The following GRM1 variants were observed in gnomAD, a reference collection of about 807,000 sequenced individuals.
GRM1 encodes the protein glutamate metabotropic receptor 1.
In GRM1, 33 loss-of-function variants were observed where a neutral mutation model predicts 90.9. The ratio of observed to expected loss-of-function variants is 0.36; its 90% CI spans 0.28 to 0.49. The LOEUF (loss-of-function observed/expected upper bound fraction) is 0.49, where lower values mean the gene tolerates loss of function less well. GRM1 is among the 20% of genes least tolerant of loss of function. The pLI is 0.99. For missense variants in GRM1, 1,190 were observed against 1,534.3 expected (o/e 0.78, Z 3.75); for synonymous variants, 700 against 613.2 (o/e 1.14, Z -2.09).
At chr6:146,203,056 T>TGGTGCCGGGCGC (rs1372375113) in intron 2 of GRM1, among the ~76,000 whole-genome samples, 6 of 151,800 alleles carry the variant, frequency 4.0e-5, no homozygotes, top group Admixed American at 6.6e-5. Flanking sequence ...TAGCCGGGCG[T>TGGTGCCGGGCGC]GGTGCCGGGC....
intron 1 of GRM1, among the ~76,000 whole-genome samples, chr6:146,118,118 T>A (rs561313325): frequency 7.3e-5 from 11 of 150,138 alleles, no homozygotes; most frequent in East Asian, 5.8e-4. Flanking sequence ...TTATTTATTT[T>A]TTATTCTTTT....
intron 5 of GRM1, among the ~76,000 whole-genome samples, chr6:146,382,908 G>A (rs1157425931): frequency 1.3e-5 from 2 of 152,098 alleles, no homozygotes; most frequent in East Asian, 1.9e-4. Context: ...GATGATCTTG[G>A]CAGCTGTGTG....
chr6:146,211,709 C>T (rs1013918536), intron 2 of GRM1, among the ~76,000 whole-genome samples: 6 of 152,206 alleles, frequency 3.9e-5, no homozygotes, highest in African/African-American at 9.6e-5. Context: ...ATTGCTCAGA[C>T]AATAAACAAC....
intron 2 of GRM1, among the ~76,000 whole-genome samples, chr6:146,292,193 A>C (rs1783011671): frequency 6.6e-6 from 1 of 152,024 alleles, no homozygotes; most frequent in African/African-American, 2.4e-5. Context: ...AAACCATAAA[A>C]TTTTAAAAGT....
intron 1 of GRM1, among the ~76,000 whole-genome samples, chr6:146,053,795 G>T (rs368036770): frequency 6.6e-6 from 1 of 151,998 alleles, no homozygotes; most frequent in African/African-American, 2.4e-5. Flanking sequence ...AGGTAATTCT[G>T]CTGCACAGCC....
chr6:146,240,631 C>A (rs372876360), intron 2 of GRM1, among the ~76,000 whole-genome samples: 4 of 152,202 alleles, frequency 2.6e-5, no homozygotes, highest in African/African-American at 7.2e-5. Context: ...CAAAGCAATT[C>A]TAAGGGTCAA....
At chr6:146,297,411 C>T (rs1378399442) in intron 2 of GRM1, among the ~76,000 whole-genome samples, 1 of 152,126 alleles carries the variant, frequency 6.6e-6, no homozygotes, top group Non-Finnish European at 1.5e-5. Context: ...CCGCCTGCCT[C>T]GGTCTCCCAA....
intron 7 of GRM1, among the ~76,000 whole-genome samples, chr6:146,416,228 A>ATTATAT (rs140385544): frequency 0.013 from 1,954 of 152,212 alleles, 46 homozygotes; most frequent in African/African-American, 0.045. Context: ...TGCTGACATA[A>ATTATAT]TTATATCAAC....
chr6:146,197,347 CAG>C (rs1214151674), intron 2 of GRM1, among the ~76,000 whole-genome samples: 2 of 152,216 alleles, frequency 1.3e-5, no homozygotes, highest in Admixed American at 1.3e-4. Flanking sequence ...ATATACTTCT[CAG>C]AGTCTTTAAA....
intron 1 of GRM1, among the ~76,000 whole-genome samples, chr6:146,090,476 A>T (rs958866426): frequency 6.6e-6 from 1 of 152,150 alleles, no homozygotes; most frequent in African/African-American, 2.4e-5. Flanking sequence ...AAATCAGCTA[A>T]GCTTGAGCTT....
chr6:146,198,669 A>T (rs1779201533), intron 2 of GRM1, among the ~76,000 whole-genome samples: 1 of 152,186 alleles, frequency 6.6e-6, no homozygotes, highest in African/African-American at 2.4e-5. Context: ...TTAAACAGAG[A>T]GGCTATAATA....
intron 7 of GRM1, among the ~76,000 whole-genome samples, chr6:146,404,616 C>G (rs1777272903): frequency 6.6e-6 from 1 of 152,138 alleles, no homozygotes; most frequent in Non-Finnish European, 1.5e-5. Flanking sequence ...GAGAAAATAA[C>G]ATAAGTGAAG....
chr6:146,144,808 G>A (rs1451650265), intron 1 of GRM1, among the ~76,000 whole-genome samples: 1 of 152,124 alleles, frequency 6.6e-6, no homozygotes, highest in African/African-American at 2.4e-5. Context: ...AAGAAGATGG[G>A]GAAAATCTGA....
chr6:146,402,046 G>T (rs1777176664), intron 7 of GRM1, among the ~76,000 whole-genome samples: 1 of 152,070 alleles, frequency 6.6e-6, no homozygotes, highest in Non-Finnish European at 1.5e-5. Context: ...ATTTCATGTG[G>T]GATCTTGCTT....
chr6:146,140,090 A>ATTCTTTCTTTCTTTCT (rs766023029), intron 1 of GRM1, among the ~76,000 whole-genome samples: 2,119 of 57,832 alleles, frequency 0.037, 115 homozygotes, highest in East Asian at 0.042. Flanking sequence ...TTCTTTCTTT[A>ATTCTTTCTTTCTTTCT]TTCTTTCTTT....
chr6:146,230,763 A>C (rs1374115579), intron 2 of GRM1, among the ~76,000 whole-genome samples: 3 of 152,204 alleles, frequency 2.0e-5, no homozygotes, highest in African/African-American at 7.2e-5. Context: ...GGAAGCAATC[A>C]AGATGTCTTT....
chr6:146,201,873 A>C (rs994136406), intron 2 of GRM1, among the ~76,000 whole-genome samples: 1 of 152,206 alleles, frequency 6.6e-6, no homozygotes, highest in Admixed American at 6.5e-5. Context: ...TGAACCCACA[A>C]TGTCTGGCTC....
chr6:146,184,813 G>T (rs1583130685), intron 2 of GRM1, among the ~76,000 whole-genome samples: 2 of 152,268 alleles, frequency 1.3e-5, no homozygotes. Context: ...CAACAAGATT[G>T]CTCTTTAACA....
chr6:146,207,547 G>A (rs1357387255), intron 2 of GRM1, among the ~76,000 whole-genome samples: 2 of 152,068 alleles, frequency 1.3e-5, no homozygotes, highest in Non-Finnish European at 1.5e-5. Context: ...CTCTGTATTA[G>A]CTACTTGCAT....
Sources: allele counts gnomAD v4.1 joint callset (sites outside exome capture counted in the v4.1 genomes callset), GRCh38; gene constraint gnomAD v4.1.1; transcripts MANE v1.5; gene names NCBI Gene and HGNC (gene_info 2026-07-23, HGNC 2026-07-21).